The following THSD4 variants were observed in gnomAD, a reference collection of about 807,000 sequenced individuals.
THSD4 encodes the protein thrombospondin type-1 domain-containing protein 4.
Under a neutral mutation model 119.0 loss-of-function variants are expected in THSD4, and 69 were observed. That is an observed-to-expected ratio of 0.58 (90% CI 0.48 to 0.71). THSD4 has a LOEUF of 0.71. Among genes scored for constraint, THSD4 ranks in the 30% least tolerant of loss-of-function variants. The probability of loss-of-function intolerance (pLI) is 0.00; values close to 1 mark genes in which losing one functional copy is unlikely to be tolerated. For missense variants in THSD4, 1,393 were observed against 1,391.1 expected (o/e 1.00, Z -0.02); for synonymous variants, 524 against 540.4 (o/e 0.97, Z 0.42).
intron 10 of THSD4, among the ~76,000 whole-genome samples, chr15:71,736,095 CTTGCTCTCTGTCTCTCTG>C (rs1186627836): frequency 1.3e-5 from 1 of 75,724 alleles, no homozygotes; most frequent in African/African-American, 4.3e-5. Context: ...CTGTCTCTCT[CTTGCTCTCTGTCTCTCTG>C]TTGCTGTCTC....
upstream of THSD4, among the ~76,000 whole-genome samples, chr15:71,113,329 G>T (rs988976528): frequency 2.0e-5 from 3 of 152,226 alleles, no homozygotes; most frequent in Non-Finnish European, 4.4e-5. Context: ...GCCAGCCTAG[G>T]TCTGTCGAAT....
intron 7 of THSD4, among the ~76,000 whole-genome samples, chr15:71,563,274 T>A (rs988004245): frequency 6.6e-6 from 1 of 151,776 alleles, no homozygotes; most frequent in Non-Finnish European, 1.5e-5. Context: ...CATGGTGGAG[T>A]CTTGCTGGAG....
intron 7 of THSD4, among the ~76,000 whole-genome samples, chr15:71,475,052 G>T (rs4287519): frequency 1 from 152,297 of 152,344 alleles, 76,125 homozygotes; most frequent in Non-Finnish European, 1. Flanking sequence ...GCAGTCTGTG[G>T]TTTACCAAGT....
At chr15:71,692,747 A>G (rs1298285929) in intron 8 of THSD4, among the ~76,000 whole-genome samples, 1 of 152,214 alleles carries the variant, frequency 6.6e-6, no homozygotes, top group African/African-American at 2.4e-5. Flanking sequence ...GGTGCTGCAG[A>G]TGACGTCTGC....
intron 7 of THSD4, among the ~76,000 whole-genome samples, chr15:71,579,789 A>G (rs558602545): frequency 6.6e-5 from 10 of 152,190 alleles, no homozygotes; most frequent in Non-Finnish European, 1.2e-4. Flanking sequence ...TTATAAGTAG[A>G]GCAATTAAAA....
chr15:71,304,348 T>C (rs2044993885), intron 6 of THSD4, among the ~76,000 whole-genome samples: 1 of 151,932 alleles, frequency 6.6e-6, no homozygotes, highest in African/African-American at 2.4e-5. Flanking sequence ...GACAGTGCCA[T>C]GACACTGTTC....
intron 6 of THSD4, among the ~76,000 whole-genome samples, chr15:71,330,370 A>T (rs2045405754): frequency 6.6e-6 from 1 of 152,200 alleles, no homozygotes; most frequent in African/African-American, 2.4e-5. Flanking sequence ...GTCATTAATT[A>T]AAACACGCAG....
chr15:71,279,354 G>T (rs924092772), intron 6 of THSD4, among the ~76,000 whole-genome samples: 1 of 152,112 alleles, frequency 6.6e-6, no homozygotes, highest in Non-Finnish European at 1.5e-5. Context: ...CCATCAATCA[G>T]TCATGATGCC....
rs2054022495 is a variant in THSD4 at position 71,783,138 on chromosome 15, T to C, written c.*5764T>C. ...ATGTCCCCTCTACAGTGTTAAATTA[T>C]TACATAAGCAGGTGAAAGGTAGAAG... On this transcript the variant is annotated 3_prime_UTR_variant, in exon 18 of 18. Coordinates refer to ENST00000261862, the MANE Select transcript of THSD4 (RefSeq NM_024817.3). The C allele has an allele frequency of 6.6e-6, 1 of 152,248 alleles. No homozygotes were observed. Among genetic ancestry groups the C allele is most frequent in the Non-Finnish European group, 1.5e-5 (1 of 68,038 alleles). 9.4% of individuals were successfully genotyped at this position (152,248 alleles called of 1,614,324 possible). A position where few individuals can be genotyped will look rare whatever the true frequency, so the allele number is the denominator to read the frequency against.
At chr15:71,414,307 C>T (rs2140507071) in intron 7 of THSD4, among the ~76,000 whole-genome samples, 1 of 152,312 alleles carries the variant, frequency 6.6e-6, no homozygotes, top group South Asian at 2.1e-4. Context: ...CTTGGATTTT[C>T]TATGCAAAAG....
At chr15:71,299,959 C>T (rs62015496) in intron 6 of THSD4, among the ~76,000 whole-genome samples, 2 of 9,524 alleles carry the variant, frequency 2.1e-4, no homozygotes, top group South Asian at 0.013. Flanking sequence ...CCTGTCTCTA[C>T]CAAAAAAAAA....
intron 7 of THSD4, among the ~76,000 whole-genome samples, chr15:71,613,620 GACT>G (rs1184973812): frequency 6.6e-6 from 1 of 152,054 alleles, no homozygotes; most frequent in Non-Finnish European, 1.5e-5. Context: ...AAACTAAACT[GACT>G]ACATCTTCAT....
intron 6 of THSD4, among the ~76,000 whole-genome samples, chr15:71,299,171 T>C (rs1210569871): frequency 6.6e-6 from 1 of 152,258 alleles, no homozygotes; most frequent in Admixed American, 6.5e-5. Context: ...TTAATATATT[T>C]TGAAGTTTTA....
chr15:71,607,512 C>T (rs1030840118), intron 7 of THSD4, among the ~76,000 whole-genome samples: 10 of 152,148 alleles, frequency 6.6e-5, no homozygotes, highest in Non-Finnish European at 1.5e-4. Flanking sequence ...CCTGTCATTC[C>T]GGTGAAACAG....
At chr15:71,388,233 G>A (rs575628604) in intron 6 of THSD4, among the ~76,000 whole-genome samples, 2 of 152,288 alleles carry the variant, frequency 1.3e-5, no homozygotes, top group African/African-American at 4.8e-5. Flanking sequence ...CTGCATAGCT[G>A]CTTGGTTTGT....
At chr15:71,545,715 G>A (rs950043280) in intron 7 of THSD4, among the ~76,000 whole-genome samples, 2 of 152,146 alleles carry the variant, frequency 1.3e-5, no homozygotes, top group Admixed American at 1.3e-4. Flanking sequence ...CTAAGAAGGA[G>A]GAAGAGGAAA....
chr15:71,197,391 T>C (rs960285144), intron 3 of THSD4, among the ~76,000 whole-genome samples: 1 of 152,240 alleles, frequency 6.6e-6, no homozygotes, highest in African/African-American at 2.4e-5. Context: ...CCATCACCCT[T>C]GATTTCTGCT....
chr15:71,101,726 T>A lies in THSD4; in HGVS notation c.-80+4720T>A, dbSNP rs561517374. On this transcript the variant is annotated intron_variant, in intron 1 of 17. Coordinates refer to the THSD4 transcript ENST00000355327. ...AGTTTTCTTTTCTTTTTTATTTTTT[T>A]TTTTTGAGACAGAGTCTCACTCTGT... Among the ~76,000 whole-genome samples the A allele has an allele frequency of 4.1e-3, 616 of 152,010 alleles. 8 individuals carry two copies. Among genetic ancestry groups the A allele is most frequent in the African/African-American group, 0.014 (597 of 41,486 alleles).
chr15:71,111,125 T>C, upstream of THSD4: 1 of 1,590,320 alleles, frequency 6.3e-7, no homozygotes, highest in Non-Finnish European at 8.6e-7. Flanking sequence ...CCAAAAGTTG[T>C]CTTGTACCAG....
Sources: allele counts gnomAD v4.1 joint callset (sites outside exome capture counted in the v4.1 genomes callset), GRCh38; gene constraint gnomAD v4.1.1; transcripts MANE v1.5; gene names NCBI Gene and HGNC (gene_info 2026-07-23, HGNC 2026-07-21).